The following CDKAL1 variants were observed in gnomAD, a reference collection of about 807,000 sequenced individuals.
CDKAL1 encodes the protein threonylcarbamoyladenosine tRNA methylthiotransferase.
In CDKAL1, 32 loss-of-function variants were observed where a neutral mutation model predicts 68.2. That is an observed-to-expected ratio of 0.47 (90% CI 0.35 to 0.63). CDKAL1 has a LOEUF of 0.63. CDKAL1 is among the 30% of genes least tolerant of loss of function. The probability of loss-of-function intolerance (pLI) is 0.00; values close to 1 mark genes in which losing one functional copy is unlikely to be tolerated. For synonymous variants in CDKAL1, 234 were observed against 244.3 expected (o/e 0.96, Z 0.39); for missense variants, 606 against 696.7 (o/e 0.87, Z 1.47).
intron 7 of CDKAL1, among the ~76,000 whole-genome samples, chr6:20,776,557 A>T (rs1775178909): frequency 6.6e-6 from 1 of 152,240 alleles, no homozygotes. Flanking sequence ...TGAAACATGT[A>T]TATAACTACT....
chr6:20,778,234 G>T (rs150168438), intron 7 of CDKAL1, among the ~76,000 whole-genome samples: 136 of 152,232 alleles, frequency 8.9e-4, no homozygotes, highest in African/African-American at 3.1e-3. Flanking sequence ...AGAGTTCTTA[G>T]ATGTGACACC....
At chr6:20,634,344 A>G (rs963663943) in intron 4 of CDKAL1, among the ~76,000 whole-genome samples, 1 of 152,230 alleles carries the variant, frequency 6.6e-6, no homozygotes, top group Non-Finnish European at 1.5e-5. Context: ...ATTCTCAATA[A>G]CGACTTATTT....
At chr6:20,893,773 T>A (rs1761534188) in intron 9 of CDKAL1, among the ~76,000 whole-genome samples, 1 of 152,054 alleles carries the variant, frequency 6.6e-6, no homozygotes, top group South Asian at 2.1e-4. Flanking sequence ...GTGATAAGGA[T>A]AAAAATGAAG....
chr6:20,825,852 C>T (rs1468177841), intron 8 of CDKAL1, among the ~76,000 whole-genome samples: 2 of 152,098 alleles, frequency 1.3e-5, no homozygotes, highest in Non-Finnish European at 2.9e-5. Flanking sequence ...GAGAGGTCCC[C>T]AAGACCCCTG....
intron 15 of CDKAL1, among the ~76,000 whole-genome samples, chr6:21,220,844 C>T (rs984214511): frequency 6.6e-6 from 1 of 152,142 alleles, no homozygotes; most frequent in Admixed American, 6.5e-5. Flanking sequence ...TTAGGAGGTG[C>T]TTCCTGAAGT....
chr6:20,613,038 C>T (rs1404051406), intron 4 of CDKAL1, among the ~76,000 whole-genome samples: 3 of 107,922 alleles, frequency 2.8e-5, no homozygotes, highest in Admixed American at 9.7e-5. Flanking sequence ...CACACACACA[C>T]ACACACAAAG....
At chr6:20,545,296 C>T (rs1404309706) in intron 2 of CDKAL1, among the ~76,000 whole-genome samples, 1 of 151,834 alleles carries the variant, frequency 6.6e-6, no homozygotes, top group Non-Finnish European at 1.5e-5. Context: ...ATGTGCTTAT[C>T]TTCTTGCAAG....
intron 4 of CDKAL1, among the ~76,000 whole-genome samples, chr6:20,591,482 T>A (rs565567607): frequency 3.1e-4 from 47 of 152,324 alleles, no homozygotes; most frequent in African/African-American, 1.1e-3. Flanking sequence ...TTTTTATGAT[T>A]TTAGGTCTTA....
intron 13 of CDKAL1, among the ~76,000 whole-genome samples, chr6:21,137,243 A>G (rs889751903): frequency 3.3e-5 from 5 of 152,240 alleles, no homozygotes; most frequent in Admixed American, 6.5e-5. Context: ...TTTACCTAGC[A>G]TGCTGCCAAT....
chr6:20,877,344 TA>T (rs1328402465), intron 9 of CDKAL1, among the ~76,000 whole-genome samples: 12 of 152,334 alleles, frequency 7.9e-5, no homozygotes, highest in South Asian at 6.2e-4. Flanking sequence ...TGATGAGATT[TA>T]GGGATTTTTA....
At chr6:21,162,379 T>C (rs1313932889) in intron 13 of CDKAL1, among the ~76,000 whole-genome samples, 2 of 152,160 alleles carry the variant, frequency 1.3e-5, no homozygotes, top group Non-Finnish European at 2.9e-5. Context: ...AGCAATACTT[T>C]AAAATTTAAG....
At chr6:20,614,000 T>A (rs965306926) in intron 4 of CDKAL1, among the ~76,000 whole-genome samples, 5 of 152,156 alleles carry the variant, frequency 3.3e-5, no homozygotes, top group Admixed American at 3.3e-4. Flanking sequence ...TTTTGATCTT[T>A]GCCCATCTGA....
At chr6:20,711,045 C>A (rs185304896) in intron 5 of CDKAL1, among the ~76,000 whole-genome samples, 1 of 151,966 alleles carries the variant, frequency 6.6e-6, no homozygotes, top group African/African-American at 2.4e-5. Flanking sequence ...GGGAATTGAG[C>A]GACATATATC....
intron 4 of CDKAL1, among the ~76,000 whole-genome samples, chr6:20,571,561 A>G (rs571177299): frequency 1.3e-5 from 2 of 152,216 alleles, no homozygotes; most frequent in Non-Finnish European, 2.9e-5. Context: ...TTTGGGGGGA[A>G]AAGTACCCTG....
At chr6:20,912,644 A>G (rs1337561975) in intron 9 of CDKAL1, among the ~76,000 whole-genome samples, 1 of 151,256 alleles carries the variant, frequency 6.6e-6, no homozygotes, top group Non-Finnish European at 1.5e-5. Context: ...CTTACTAGAC[A>G]TATTTTTTTT....
chr6:20,683,954 A>G (rs953856157), intron 5 of CDKAL1, among the ~76,000 whole-genome samples: 1 of 152,184 alleles, frequency 6.6e-6, no homozygotes, highest in Non-Finnish European at 1.5e-5. Flanking sequence ...AGTGGGAGTC[A>G]TATAATTTGT....
At chr6:20,948,730 GTATTT>G (rs1431454270) in intron 9 of CDKAL1, among the ~76,000 whole-genome samples, 1 of 152,172 alleles carries the variant, frequency 6.6e-6, no homozygotes, top group Non-Finnish European at 1.5e-5. Flanking sequence ...ACTGCTGTCT[GTATTT>G]TCTCTAGGGG....
At chr6:20,898,223 T>C (rs1327427111) in intron 9 of CDKAL1, among the ~76,000 whole-genome samples, 1 of 151,826 alleles carries the variant, frequency 6.6e-6, no homozygotes, top group African/African-American at 2.4e-5. Context: ...TGTTGGTTTG[T>C]ATATGTGTGT....
At chr6:20,844,007 C>T (rs1778278350) in intron 8 of CDKAL1, among the ~76,000 whole-genome samples, 1 of 152,104 alleles carries the variant, frequency 6.6e-6, no homozygotes, top group Non-Finnish European at 1.5e-5. Context: ...GAACCCTGGT[C>T]TTCCAGTGTA....
Sources: gnomAD v4.1 joint callset for allele counts (sites outside exome capture counted in the v4.1 genomes callset) on GRCh38, gnomAD v4.1.1 for gene constraint, MANE v1.5 for transcripts, NCBI Gene and HGNC (gene_info 2026-07-23, HGNC 2026-07-21) for gene names.